The following NSD2 variants were observed in gnomAD, a reference collection of about 807,000 sequenced individuals.
NSD2 encodes nuclear receptor binding SET domain protein 2, also known as histone-lysine N-methyltransferase NSD2.
NSD2 carries 12 observed loss-of-function variants against 139.0 expected under a neutral mutation model. The observed-to-expected ratio is 0.09, with a 90% CI of 0.06 to 0.14. The LOEUF is 0.14. Ranked by LOEUF, NSD2 falls within the 10% of genes least tolerant of loss-of-function variation. NSD2 has a pLI of 1.00. For synonymous variants in NSD2, 669 were observed against 648.7 expected (o/e 1.03, Z -0.48); for missense variants, 1,155 against 1,745.0 (o/e 0.66, Z 6.02).
At chr4:1,943,818 C>CT (rs767564829) in intron 9 of NSD2, 16 of 1,062,464 alleles carry the variant, frequency 1.5e-5, no homozygotes, top group Non-Finnish European at 1.6e-5. Context: ...AGTAAAGACT[C>CT]TATCTTGAAA....
At chr4:1,940,150 T>C (rs1410486755) in intron 9 of NSD2, 3 of 1,132,606 alleles carry the variant, frequency 2.6e-6, no homozygotes, top group Non-Finnish European at 3.3e-6. Flanking sequence ...ACAGTGTCAG[T>C]TGAGCTGACA....
In NSD2 at chr4:1,918,469, G is replaced by A. The variant is rs544842635; in HGVS notation, c.1256G>A (p.Gly419Glu). The A allele has an allele frequency of 6.2e-7, 1 of 1,614,056 alleles. No homozygotes were observed. The highest frequency in any genetic ancestry group is 8.5e-7 in the Non-Finnish European group (1 of 1,180,002). Residue 419 changes from glycine to glutamate, a missense_variant, in exon 5 of 22, where the codon GGG becomes GAG. By Grantham distance (98) the Gly-to-Glu change is moderately conservative. Around this residue, in one of 8 missense-constraint regions of NSD2, gnomAD observed 420 missense variants for 469.0 expected, o/e 0.90. Transcript: ENST00000508803. The stretch of plus-strand genomic sequence containing the variant: ...ACCCTGGAGAGTCACCCCGACATAG[G>A]GAAGAGTACTCCTCAAAAGACGGCA... ...AETLESHPDI[G>E]KSTPQKTAEA...
At chr4:1,888,443 T>C (rs1302120735) in intron 1 of NSD2, among the ~76,000 whole-genome samples, 1 of 149,692 alleles carries the variant, frequency 6.7e-6, no homozygotes, top group African/African-American at 2.5e-5. Flanking sequence ...AAAAAGACTT[T>C]ATATGCCAGA....
intron 1 of NSD2, chr4:1,892,959 A>G (rs1211920617): frequency 1.3e-5 from 2 of 152,138 alleles, no homozygotes; most frequent in Non-Finnish European, 2.9e-5. Context: ...CATCTTTTTT[A>G]TAATGGTCAT....
rs1725033966 is a variant in NSD2 at position 1,958,317 on chromosome 4, G to A, written c.2985+281G>A. Among the ~76,000 whole-genome samples, 1 of 152,254 alleles carries A rather than the reference G, an allele frequency of 6.6e-6. No homozygotes were observed. The highest frequency in any genetic ancestry group is 2.1e-4 in the South Asian group (1 of 4,838). ...CGGGCTGCTTGGAGCAGGAGGAGCT[G>A]AGGGATGAGCCTCCCACCTGCACCA... is the stretch of plus-strand genomic sequence containing the variant. On this transcript the variant is annotated intron_variant, in intron 16 of 21. Coordinates refer to ENST00000508803, the MANE Select transcript of NSD2 (RefSeq NM_001042424.3). This position sits in a 1 kb window ranked among gnomAD's most constrained non-coding sequence, Gnocchi z 4.6.
Position 1,900,909 on chromosome 4 carries a change from G to T in NSD2, c.255G>T (p.Arg85=). Residue 85 remains arginine (R), a synonymous_variant, in exon 2 of 22, where the codon CGG becomes CGT. Transcript: ENST00000508803. Reference sequence around the variant, plus strand: ...ACAAGCTGAAAGATCTTACTTCCCGGGTGTTTAATGGAGAACCCGGCGCAC... The same window carrying T: ...ACAAGCTGAAAGATCTTACTTCCCGTGTGTTTAATGGAGAACCCGGCGCAC... ...PADKLKDLTS[R]VFNGEPGAHD... The T allele has an allele frequency of 3.7e-6, 6 of 1,613,758 alleles. No homozygotes were observed. The highest frequency in any genetic ancestry group is 5.1e-6 in the Non-Finnish European group (6 of 1,179,882).
intron 9 of NSD2, chr4:1,947,930 T>C (rs1306758521): frequency 2.8e-6 from 3 of 1,056,890 alleles, no homozygotes; most frequent in Admixed American, 5.4e-5. Flanking sequence ...GGCATCTGAC[T>C]GCGGCTCATA....
At chr4:1,965,549 T>C (rs1371782566) in intron 18 of NSD2, among the ~76,000 whole-genome samples, 6 of 152,198 alleles carry the variant, frequency 3.9e-5, no homozygotes, top group African/African-American at 1.2e-4. Context: ...GATCAAACTT[T>C]CGAAAACCAG....
At chr4:1,963,947 A>ATAT (rs1725619421) in intron 18 of NSD2, among the ~76,000 whole-genome samples, 3 of 152,312 alleles carry the variant, frequency 2.0e-5, no homozygotes, top group South Asian at 4.1e-4. Context: ...GCTGTGAACT[A>ATAT]TGATCATGTC....
At chr4:1,925,389 C>CTTTTTTTTTTTTTT (rs34335852) in intron 5 of NSD2, among the ~76,000 whole-genome samples, 19 of 38,006 alleles carry the variant, frequency 5.0e-4, no homozygotes, top group Admixed American at 9.1e-4. Context: ...CTTTTTCTTT[C>CTTTTTTTTTTTTTT]TTTTTTTTTT....
chr4:1,932,789 C>A (rs180756901), intron 6 of NSD2, among the ~76,000 whole-genome samples: 2 of 152,312 alleles, frequency 1.3e-5, no homozygotes, highest in East Asian at 1.9e-4. Flanking sequence ...GCCCCTGTTG[C>A]TTGTTTCTGT....
intron 12 of NSD2, 141 bp downstream of exon 12, chr4:1,953,665 G>T (rs993519101): frequency 1.8e-6 from 2 of 1,127,206 alleles, no homozygotes; most frequent in African/African-American, 1.6e-5. Flanking sequence ...CATCGGCTGG[G>T]TTGGGTTTTC....
At chr4:1,904,734 T>G (rs1717658075) in intron 3 of NSD2, among the ~76,000 whole-genome samples, 1 of 152,212 alleles carries the variant, frequency 6.6e-6, no homozygotes, top group South Asian at 2.1e-4. Flanking sequence ...GTGAATTTTA[T>G]TAGGCCTATG....
At chr4:1,872,564 T>TTGTGTGTGTGTGTGTGTG (rs752377919) in intron 1 of NSD2, among the ~76,000 whole-genome samples, 3 of 101,086 alleles carry the variant, frequency 3.0e-5, no homozygotes, top group East Asian at 3.6e-4. Flanking sequence ...AACGTGTATT[T>TTGTGTGTGTGTGTGTGTG]TGTGTGTGTG....
At chr4:1,957,204 C>T (rs1020852728) in intron 15 of NSD2, among the ~76,000 whole-genome samples, 2 of 152,044 alleles carry the variant, frequency 1.3e-5, no homozygotes, top group Non-Finnish European at 2.9e-5. Context: ...TGTGTGTTTC[C>T]TCGGTTCTTG....
chr4:1,896,428 G>A (rs1238251577), intron 1 of NSD2, among the ~76,000 whole-genome samples: 2 of 152,242 alleles, frequency 1.3e-5, no homozygotes, highest in Non-Finnish European at 2.9e-5. Context: ...GCGTGCAATA[G>A]TGTGGTCACA....
Position 1,918,995 on chromosome 4 carries a change from C to T in NSD2, c.1410+372C>T, listed in dbSNP as rs373223010. 389 of 186,822 alleles carry T rather than the reference C, an allele frequency of 2.1e-3. 3 individuals are homozygous for T. The highest frequency in any genetic ancestry group is 8.7e-3 in the African/African-American group (366 of 42,044). 11.6% of individuals were successfully genotyped at this position (186,822 alleles called of 1,614,324 possible). On this transcript the variant is annotated intron_variant, in intron 5 of 21. Coordinates refer to ENST00000508803, the MANE Select transcript of NSD2 (RefSeq NM_001042424.3). ...AAACCCCATCTCTACAAAAATTAGCCGGGTGTGGTGGCACATGCCTGTAGT... is the reference window on the plus strand; with the variant it reads ...AAACCCCATCTCTACAAAAATTAGCTGGGTGTGGTGGCACATGCCTGTAGT...
chr4:1,945,275 C>T (rs951915081), intron 9 of NSD2: 4 of 1,066,024 alleles, frequency 3.8e-6, no homozygotes, highest in Admixed American at 5.3e-5. Flanking sequence ...TAGCTGGAGA[C>T]GTTAAGAGCT....
Position 1,901,226 on chromosome 4 carries a change from A to G in NSD2, c.572A>G (p.Lys191Arg). ...CTTGTCGAAGCAGCTCTTGTGTCTA[A>G]GATCTCAAGTCCTTCAGATAAAAAG... ...QGLVEAALVS[K>R]ISSPSDKKIP... The change falls in exon 2 of 22, where the codon AAG (lysine) becomes AGG (arginine). Residue 191 changes from lysine to arginine, a missense_variant. Lys to Arg is a conservative substitution (Grantham distance 26). This residue lies in a region of NSD2 where 246 missense variants were observed against 262.8 expected (regional missense o/e 0.94). Transcript: ENST00000508803. 1 of 1,586,404 alleles carries G rather than the reference A, an allele frequency of 6.3e-7. No homozygotes were observed. The highest frequency in any genetic ancestry group is 8.5e-7 in the Non-Finnish European group (1 of 1,169,700).
Sources: allele counts gnomAD v4.1 joint callset (sites outside exome capture counted in the v4.1 genomes callset), GRCh38; gene constraint gnomAD v4.1.1; regional missense constraint gnomAD v4.1.1; non-coding constraint Gnocchi (gnomAD v3.1); transcripts MANE v1.5; gene names NCBI Gene and HGNC (gene_info 2026-07-23, HGNC 2026-07-21).